The following CDH11 variants were observed in gnomAD, a reference collection of about 807,000 sequenced individuals.
The protein encoded by CDH11 is cadherin 11.
In CDH11, 11 loss-of-function variants were observed where a neutral mutation model predicts 67.8. The ratio of observed to expected loss-of-function variants is 0.16; its 90% CI spans 0.10 to 0.27. The LOEUF (loss-of-function observed/expected upper bound fraction) is 0.27, where lower values mean the gene tolerates loss of function less well. Ranked by LOEUF, CDH11 falls within the 10% of genes least tolerant of loss-of-function variation. The probability of loss-of-function intolerance (pLI) is 1.00; values close to 1 mark genes in which losing one functional copy is unlikely to be tolerated. For synonymous variants in CDH11, 419 were observed against 400.0 expected, an observed-to-expected ratio of 1.05 and a Z score of -0.57; for missense variants, 847 against 1,031.2, an observed-to-expected ratio of 0.82 and a Z score of 2.45.
chr16:65,114,688 G>A (rs906962686), intron 1 of CDH11, among the ~76,000 whole-genome samples: 1 of 152,150 alleles, frequency 6.6e-6, no homozygotes, highest in East Asian at 1.9e-4. Flanking sequence ...AAGAACAGAT[G>A]ACACCGGCGA....
At chr16:64,955,012 C>T (rs979280138) in intron 11 of CDH11, among the ~76,000 whole-genome samples, 28 of 150,880 alleles carry the variant, frequency 1.9e-4, no homozygotes, top group Non-Finnish European at 2.4e-4. Context: ...TTTGGGAGGC[C>T]GAGGCAGGCG....
intron 8 of CDH11, among the ~76,000 whole-genome samples, chr16:64,980,111 G>T (rs1001712051): frequency 2.0e-5 from 3 of 151,376 alleles, no homozygotes; most frequent in African/African-American, 7.4e-5. Context: ...TTTCTTTTGT[G>T]GGGGGGATCA....
intron 11 of CDH11, among the ~76,000 whole-genome samples, chr16:64,954,799 C>A (rs1295089322): frequency 6.6e-6 from 1 of 152,014 alleles, no homozygotes; most frequent in South Asian, 2.1e-4. Context: ...CCACTCTGAT[C>A]ACTGATCAAA....
At chr16:65,056,217 G>C (rs1257866153) in intron 1 of CDH11, among the ~76,000 whole-genome samples, 1 of 152,150 alleles carries the variant, frequency 6.6e-6, no homozygotes, top group African/African-American at 2.4e-5. Context: ...CGATATTACT[G>C]TGCTGTGAGA....
At chr16:65,032,417 G>A (rs2073661355) in intron 2 of CDH11, among the ~76,000 whole-genome samples, 1 of 151,934 alleles carries the variant, frequency 6.6e-6, no homozygotes, top group African/African-American at 2.4e-5. Context: ...TTGAGCCCAG[G>A]AGGCAAAGGT....
intron 8 of CDH11, among the ~76,000 whole-genome samples, chr16:64,975,827 C>T (rs1597039570): frequency 6.6e-6 from 1 of 152,142 alleles, no homozygotes; most frequent in East Asian, 1.9e-4. Context: ...ATTAACTAAC[C>T]TACACATGTA....
intron 1 of CDH11, among the ~76,000 whole-genome samples, chr16:65,102,432 C>T (rs1375136534): frequency 6.6e-6 from 1 of 152,200 alleles, no homozygotes; most frequent in Non-Finnish European, 1.5e-5. Context: ...CTTGGGAAAC[C>T]TGTGGAGGAA....
intron 1 of CDH11, among the ~76,000 whole-genome samples, chr16:65,112,910 C>A (rs562374388): frequency 1.8e-4 from 27 of 152,114 alleles, no homozygotes; most frequent in Admixed American, 1.7e-3. Flanking sequence ...TATCAGAGGG[C>A]GCAGCTTTAC....
At chr16:65,083,931 T>C (rs568685477) in intron 1 of CDH11, among the ~76,000 whole-genome samples, 1 of 152,310 alleles carries the variant, frequency 6.6e-6, no homozygotes, top group Non-Finnish European at 1.5e-5. Flanking sequence ...AGAGCAATTT[T>C]ATTTTCCAGG....
intron 1 of CDH11, among the ~76,000 whole-genome samples, chr16:65,106,492 C>T (rs978890854): frequency 1.3e-5 from 2 of 152,154 alleles, no homozygotes; most frequent in Non-Finnish European, 1.5e-5. Flanking sequence ...TCCTCAAATT[C>T]GGTGTAGATT....
At chr16:64,963,203 A>G (rs189409244) in intron 11 of CDH11, among the ~76,000 whole-genome samples, 4 of 152,352 alleles carry the variant, frequency 2.6e-5, no homozygotes, top group Admixed American at 1.3e-4. Context: ...TTTAATGGAT[A>G]AAGTGGACAA....
chr16:65,116,466 A>G (rs939520263), intron 1 of CDH11, among the ~76,000 whole-genome samples: 4 of 152,190 alleles, frequency 2.6e-5, no homozygotes, highest in Admixed American at 6.5e-5. Flanking sequence ...CTGAATGTGG[A>G]GAGCTAACTT....
At chr16:65,070,406 C>T (rs1056992771) in intron 1 of CDH11, among the ~76,000 whole-genome samples, 3 of 152,180 alleles carry the variant, frequency 2.0e-5, no homozygotes, top group African/African-American at 4.8e-5. Flanking sequence ...GGGTTCAAAT[C>T]CTGCCTCTAC....
chr16:65,031,749 A>G (rs1014249058), intron 2 of CDH11, among the ~76,000 whole-genome samples: 1 of 152,186 alleles, frequency 6.6e-6, no homozygotes, highest in African/African-American at 2.4e-5. Flanking sequence ...CATAATTATA[A>G]TAAGTTTTAT....
At chr16:65,003,890 C>G (rs1369475115) in intron 3 of CDH11, among the ~76,000 whole-genome samples, 4 of 152,130 alleles carry the variant, frequency 2.6e-5, no homozygotes, top group Admixed American at 2.6e-4. Flanking sequence ...AGCTTGAAGT[C>G]TAGTGAAGTA....
At chr16:65,072,164 T>A (rs562167010) in intron 1 of CDH11, 1 of 152,430 alleles carries the variant, frequency 6.6e-6, no homozygotes, top group South Asian at 2.1e-4. Flanking sequence ...GGACACCTCA[T>A]GTGGGGAGAC....
At position 65,012,992 on chromosome 16, in the gene CDH11, C is replaced by T. The variant is rs561178776; in HGVS notation, c.-172-7951G>A. Among the ~76,000 whole-genome samples, 18 of 152,290 alleles carry T rather than the reference C, an allele frequency of 1.2e-4. No individual in the cohort carries two copies. In the East Asian group the frequency reaches 3.5e-3, roughly 29 times the overall value. ...CCATAGTGCAAACTTAGAAAAAATACTTTTCCCTGTGTGTTGACTAAGTAT... is the reference window on the plus strand; with the variant it reads ...CCATAGTGCAAACTTAGAAAAAATATTTTTCCCTGTGTGTTGACTAAGTAT... On this transcript the variant is annotated intron_variant, in intron 2 of 12. Transcript: ENST00000268603.
At chr16:65,088,100 G>A (rs943915217) in intron 1 of CDH11, among the ~76,000 whole-genome samples, 20 of 152,200 alleles carry the variant, frequency 1.3e-4, no homozygotes, top group African/African-American at 2.6e-4. Flanking sequence ...CTCCAAGCTC[G>A]GGAATGGCAT....
chr16:65,113,816 C>T (rs578071745), intron 1 of CDH11, among the ~76,000 whole-genome samples: 67 of 152,038 alleles, frequency 4.4e-4, no homozygotes, highest in Admixed American at 3.9e-3. Flanking sequence ...TGATTTCCAC[C>T]GCACCCCTCT....
Sources: allele counts gnomAD v4.1 joint callset (sites outside exome capture counted in the v4.1 genomes callset), GRCh38; gene constraint gnomAD v4.1.1; transcripts MANE v1.5; gene names NCBI Gene and HGNC (gene_info 2026-07-23, HGNC 2026-07-21).